DPY19L3: variants seen among roughly 807,000 people sequenced by gnomAD.
DPY19L3 encodes dpy-19 like C-mannosyltransferase 3, also known as protein C-mannosyl-transferase DPY19L3.
A neutral mutation model predicts 92.3 loss-of-function variants in DPY19L3; 51 were observed. The observed-to-expected ratio is 0.55, with a 90% CI of 0.44 to 0.70. The LOEUF (loss-of-function observed/expected upper bound fraction) is 0.70. DPY19L3 is among the 30% of genes least tolerant of loss of function. The pLI is 0.00. For missense variants in DPY19L3, 706 were observed against 855.9 expected (o/e 0.82, Z 2.18); for synonymous variants, 309 against 315.2 (o/e 0.98, Z 0.21).
chr19:32,432,691 C>G, intron 3 of DPY19L3, 25 bp from the exon 4 acceptor site: 1 of 1,603,880 alleles, frequency 6.2e-7, no homozygotes, highest in African/African-American at 1.3e-5. Context: ...GTCACATAAA[C>G]CCATAGGATC....
rs539952018 is a variant in DPY19L3, at chr19:32,436,683, C to T, written c.450+116C>T. 54 of 938,242 alleles carry T rather than the reference C, an allele frequency of 5.8e-5. No homozygotes were observed. In the South Asian group the frequency reaches 1.4e-3, roughly 24 times the overall value. The allele number at this position is 938,242 out of a possible 1,614,324, so 58.1% of individuals were successfully genotyped here. Reference sequence around the variant, plus strand: ...TTCAACTGGTTTAGTAGAAAATCAGCAATACTATATTTTTTTTCCATGTAT... The same window carrying T: ...TTCAACTGGTTTAGTAGAAAATCAGTAATACTATATTTTTTTTCCATGTAT... On this transcript the variant is annotated intron_variant, in intron 5 of 18. Coordinates refer to ENST00000392250, the MANE Select transcript of DPY19L3 (RefSeq NM_001172774.2).
intron 7 of DPY19L3, 121 bp from the exon 8 acceptor site, chr19:32,439,655 G>A: frequency 1.0e-6 from 1 of 983,522 alleles, no homozygotes; most frequent in Admixed American, 2.7e-5. Flanking sequence ...GGTTTTCAGA[G>A]CAACAGTTTA....
Position 32,455,000 on chromosome 19 carries a change from T to C in DPY19L3, c.1049T>C (p.Met350Thr), listed in dbSNP as rs1969821832. 3.2e-6 allele frequency: 5 copies of C among 1,573,784 alleles called. No homozygotes were observed. Among genetic ancestry groups the C allele is most frequent in the Middle Eastern group, 1.7e-4 (1 of 5,946 alleles). The change falls in exon 10 of 19, where the codon ATG becomes ACG. Residue 350 changes from methionine (M) to threonine (T), a missense_variant. Transcript: ENST00000392250. Reference protein sequence around the residue: ...RLGKLLLHLFMVLCLTLFLNN... With the variant: ...RLGKLLLHLFTVLCLTLFLNN... ...GGGAAACTTTTGTTACATTTATTTA[T>C]GGTTTTATGTTTGACACTTTTTCTC...
chr19:32,464,616 C>G lies in DPY19L3; in HGVS notation c.1558-112C>G. 6 of 598,050 alleles carry G rather than the reference C, an allele frequency of 1.0e-5. No homozygotes were observed. The South Asian group carries it at 1.4e-4, about 14-fold the overall frequency. 37.0% of individuals were successfully genotyped at this position (598,050 alleles called of 1,614,324 possible). A position where few individuals can be genotyped will look rare whatever the true frequency, so the allele number is the denominator to read the frequency against. ...GCTCAGGAGGCTGAGACAGGAAAAT[C>G]ACTTGAGCCCAAGAATTCCAGGCCA... On this transcript the variant is annotated intron_variant, in intron 14 of 18. Transcript: ENST00000392250.
At chr19:32,454,442 C>T (rs999996306) in intron 9 of DPY19L3, among the ~76,000 whole-genome samples, 3 of 152,068 alleles carry the variant, frequency 2.0e-5, no homozygotes, top group Non-Finnish European at 4.4e-5. Flanking sequence ...GGTGTTGTGG[C>T]AGGCGCCTGT....
intron 2 of DPY19L3, among the ~76,000 whole-genome samples, chr19:32,409,308 G>A (rs1968095374): frequency 6.6e-6 from 1 of 152,148 alleles, no homozygotes. Context: ...TGGGATCCAC[G>A]TGCTGTTTTG....
chr19:32,429,741 T>C (rs1968894855), intron 3 of DPY19L3, among the ~76,000 whole-genome samples: 1 of 152,194 alleles, frequency 6.6e-6, no homozygotes. Context: ...CTTTGAACAC[T>C]TTAAGGAAGC....
chr19:32,446,236 AG>A (rs879348436), intron 8 of DPY19L3, among the ~76,000 whole-genome samples: 16 of 152,298 alleles, frequency 1.1e-4, no homozygotes, highest in Non-Finnish European at 2.1e-4. Context: ...AACTATACGA[AG>A]CAGTACATGA....
At chr19:32,433,231 T>G (rs1969026344) in intron 4 of DPY19L3, among the ~76,000 whole-genome samples, 1 of 152,070 alleles carries the variant, frequency 6.6e-6, no homozygotes, top group South Asian at 2.1e-4. Flanking sequence ...CATTTTTACT[T>G]CCCCTAAGTG....
chr19:32,447,750 T>TAGAG (rs1969547316), intron 8 of DPY19L3, among the ~76,000 whole-genome samples: 22 of 148,428 alleles, frequency 1.5e-4, no homozygotes, highest in Admixed American at 1.3e-3. Context: ...GATAGATAGA[T>TAGAG]AGATAGATAG....
rs1017469874 is a variant in DPY19L3 at position 32,464,444 on chromosome 19, G to A, written c.1558-284G>A. 3.9e-5 allele frequency among the ~76,000 whole-genome samples: 6 copies of A among 152,090 alleles called. No homozygotes were observed. In the East Asian group the frequency reaches 9.6e-4, roughly 24 times the overall value. Reference sequence around the variant, plus strand: ...TACAAATGATTAGAATCCTAGTATCGACTCAGTTATTCTGCATATTGGAGA... The same window carrying A: ...TACAAATGATTAGAATCCTAGTATCAACTCAGTTATTCTGCATATTGGAGA... On this transcript the variant is annotated intron_variant, in intron 14 of 18. Transcript: ENST00000392250.
chr19:32,444,340 A>G (rs556480700), intron 8 of DPY19L3, among the ~76,000 whole-genome samples: 12 of 152,320 alleles, frequency 7.9e-5, no homozygotes, highest in African/African-American at 2.9e-4. Flanking sequence ...CTCAACAGCA[A>G]AATGAAGTAG....
At chr19:32,453,325 C>T (rs1410651935) in intron 9 of DPY19L3, 49 bp downstream of exon 9, 23 of 1,544,006 alleles carry the variant, frequency 1.5e-5, no homozygotes, top group Non-Finnish European at 1.8e-5. Context: ...TTTTTAATTG[C>T]GTGGTTTATT....
chr19:32,418,476 T>G (rs1968452315), intron 3 of DPY19L3, among the ~76,000 whole-genome samples: 1 of 152,220 alleles, frequency 6.6e-6, no homozygotes, highest in African/African-American at 2.4e-5. Flanking sequence ...GGTAGTACAC[T>G]CGGGAACTAA....
chr19:32,432,899 C>A, intron 4 of DPY19L3, 93 bp downstream of exon 4: 2 of 957,024 alleles, frequency 2.1e-6, no homozygotes, highest in South Asian at 1.5e-5. Flanking sequence ...CTTAAATGCT[C>A]TCTAGAACAT....
intron 8 of DPY19L3, among the ~76,000 whole-genome samples, chr19:32,447,329 A>T (rs1599637815): frequency 6.6e-6 from 1 of 151,368 alleles, no homozygotes; most frequent in South Asian, 2.1e-4. Flanking sequence ...CTCTCACCTT[A>T]AAAAAGGGAG....
At chr19:32,451,859 A>C (rs770727805) in intron 8 of DPY19L3, among the ~76,000 whole-genome samples, 31 of 152,036 alleles carry the variant, frequency 2.0e-4, no homozygotes, top group Non-Finnish European at 3.7e-4. Context: ...TTTAGAGACC[A>C]GGTCTTGCTC....
rs1273541825 is a variant in DPY19L3 at position 32,453,217 on chromosome 19, A to C, written c.928A>C (p.Ile310Leu). The stretch of plus-strand genomic sequence containing the variant: ...CATTCTTCAGTTTTTTAATTCCATG[A>C]TTCTTGGATCACTGCTTATCAGTTT... ...VCILQFFNSM[I>L]LGSLLISFNL... The change falls in exon 9 of 19, where the codon ATT (isoleucine) becomes CTT (leucine). Residue 310 changes from isoleucine (I) to leucine (L), a missense_variant. Ile to Leu is a conservative substitution (Grantham distance 5). Coordinates refer to ENST00000392250, the MANE Select transcript of DPY19L3 (RefSeq NM_001172774.2). 1 of 1,613,898 alleles carries C rather than the reference A, an allele frequency of 6.2e-7. No homozygotes were observed. The highest frequency in any genetic ancestry group is 8.5e-7 in the Non-Finnish European group (1 of 1,179,970).
At chr19:32,406,748 T>G (rs1967968106) in intron 1 of DPY19L3, among the ~76,000 whole-genome samples, 1 of 152,182 alleles carries the variant, frequency 6.6e-6, no homozygotes, top group Non-Finnish European at 1.5e-5. Flanking sequence ...TTTTTCTTAG[T>G]TCATGGGACT....
Sources: gnomAD v4.1 joint callset for allele counts (sites outside exome capture counted in the v4.1 genomes callset) on GRCh38, gnomAD v4.1.1 for gene constraint, MANE v1.5 for transcripts, NCBI Gene and HGNC (gene_info 2026-07-23, HGNC 2026-07-21) for gene names.